Variants in SH3PXD2A observed in about 807,000 individuals in gnomAD.
The protein encoded by SH3PXD2A is SH3 and PX domain-containing protein 2A.
Under a neutral mutation model 115.2 loss-of-function variants are expected in SH3PXD2A, and 32 were observed. The observed-to-expected ratio is 0.28, with a 90% CI of 0.21 to 0.37. The LOEUF (loss-of-function observed/expected upper bound fraction) is 0.37, where lower values mean the gene tolerates loss of function less well. Among genes scored for constraint, SH3PXD2A ranks in the 10% least tolerant of loss-of-function variants. The pLI is 1.00. For synonymous variants in SH3PXD2A, 610 were observed against 629.1 expected (o/e 0.97, Z 0.45); for missense variants, 1,328 against 1,498.7 (o/e 0.89, Z 1.88).
chr10:103,846,346 C>CA (rs1180831229), intron 1 of SH3PXD2A, among the ~76,000 whole-genome samples: 2 of 152,220 alleles, frequency 1.3e-5, no homozygotes, highest in East Asian at 3.9e-4. Flanking sequence ...TTCCTGTTCA[C>CA]AAAAAAATGA....
In SH3PXD2A at chr10:103,603,513, GCT is replaced by G; in HGVS notation, c.1703_1704del (p.Glu568AlafsTer2). On this transcript the variant is annotated frameshift_variant, in exon 15 of 15. Coordinates refer to ENST00000369774, the MANE Select transcript of SH3PXD2A (RefSeq NM_001394015.1). LOFTEE classifies it high-confidence loss of function. ...TCCACGGGCTCCTCGCTCAGCTCAG[GCT>G]CTGAGTCAAAGCCGAATGCAGGGAT... ...YDIPAFGFDS[E>X]PELSEEPVED... 6.2e-7 allele frequency: 1 copy of G among 1,612,540 alleles called. No individual in the cohort carries two copies. Among genetic ancestry groups the G allele is most frequent in the Non-Finnish European group, 8.5e-7 (1 of 1,179,204 alleles).
At chr10:103,831,101 T>C (rs953634283) in intron 1 of SH3PXD2A, among the ~76,000 whole-genome samples, 1 of 152,234 alleles carries the variant, frequency 6.6e-6, no homozygotes, top group South Asian at 2.1e-4. Context: ...TTACACACTA[T>C]TGTTTTGTGA....
intron 3 of SH3PXD2A, among the ~76,000 whole-genome samples, chr10:103,742,325 CTG>C (rs2038452989): frequency 6.6e-6 from 1 of 152,204 alleles, no homozygotes; most frequent in South Asian, 2.1e-4. Context: ...ACTCCGATCT[CTG>C]TCTCAGTCTT....
At chr10:103,718,279 A>C (rs530366115) in intron 5 of SH3PXD2A, among the ~76,000 whole-genome samples, 4 of 152,188 alleles carry the variant, frequency 2.6e-5, no homozygotes, top group African/African-American at 9.6e-5. Context: ...GACCTCCTGA[A>C]GTGCTGGGAT....
chr10:103,844,038 A>G (rs1290981178), intron 1 of SH3PXD2A, among the ~76,000 whole-genome samples: 1 of 152,230 alleles, frequency 6.6e-6, no homozygotes, highest in Non-Finnish European at 1.5e-5. Context: ...TGCTTGCTTC[A>G]AGTTGCCAAT....
At chr10:103,740,260 A>G (rs2038429787) in intron 3 of SH3PXD2A, among the ~76,000 whole-genome samples, 4 of 152,180 alleles carry the variant, frequency 2.6e-5, no homozygotes, top group Admixed American at 2.0e-4. Flanking sequence ...TCACACAGCT[A>G]TCTAGTGGCT....
intron 9 of SH3PXD2A, among the ~76,000 whole-genome samples, chr10:103,626,625 A>AG (rs2036699198): frequency 6.6e-6 from 1 of 150,862 alleles, no homozygotes. Flanking sequence ...AAAAAGAAAA[A>AG]GAAAAAAAAA....
Position 103,601,633 on chromosome 10 carries a change from A to C in SH3PXD2A, c.*183T>G. 1.8e-6 allele frequency: 1 copy of C among 559,532 alleles called. No individual in the cohort carries two copies. Among genetic ancestry groups the C allele is most frequent in the Non-Finnish European group, 3.2e-6 (1 of 312,532 alleles). The allele number at this position is 559,532 out of a possible 1,614,324, so 34.7% of individuals were successfully genotyped here. A position where few individuals can be genotyped will look rare whatever the true frequency, so the allele number is the denominator to read the frequency against. ...CTCAGTGTGGGCACCCCCATCCCCT[A>C]CCTTCCAGCTGTGGGATGGCTTGGA... On this transcript the variant is annotated 3_prime_UTR_variant, in exon 15 of 15. Transcript: ENST00000369774.
chr10:103,818,377 C>CCAT, intron 1 of SH3PXD2A, among the ~76,000 whole-genome samples: 1 of 152,276 alleles, frequency 6.6e-6, no homozygotes, highest in African/African-American at 2.4e-5. Flanking sequence ...ATCACATTGC[C>CCAT]CATCACCAAC....
intron 4 of SH3PXD2A, among the ~76,000 whole-genome samples, chr10:103,735,366 A>T (rs1165745533): frequency 6.6e-6 from 1 of 152,250 alleles, no homozygotes; most frequent in Non-Finnish European, 1.5e-5. Context: ...AATTCAAAGA[A>T]ATAGTTCTTC....
chr10:103,613,927 A>G (rs2036469001), intron 11 of SH3PXD2A, among the ~76,000 whole-genome samples: 1 of 152,122 alleles, frequency 6.6e-6, no homozygotes, highest in Admixed American at 6.5e-5. Context: ...AAACCAGGCT[A>G]AATTTACTGT....
intron 8 of SH3PXD2A, among the ~76,000 whole-genome samples, chr10:103,646,219 T>C (rs1465246380): frequency 6.6e-6 from 1 of 152,188 alleles, no homozygotes; most frequent in African/African-American, 2.4e-5. Flanking sequence ...AGGTTTGTGG[T>C]GACCTAGGAT....
chr10:103,804,656 G>T (rs1468095222), intron 1 of SH3PXD2A, among the ~76,000 whole-genome samples: 1 of 151,996 alleles, frequency 6.6e-6, no homozygotes, highest in South Asian at 2.1e-4. Context: ...AGGTGTGGGT[G>T]GTCTGAGAAG....
rs1164443262 is a variant in SH3PXD2A at position 103,601,425 on chromosome 10, A to G, written c.*391T>C. On this transcript the variant is annotated 3_prime_UTR_variant, in exon 15 of 15. Coordinates refer to ENST00000369774, the MANE Select transcript of SH3PXD2A (RefSeq NM_001394015.1). ...AAACTGGGCCAAGCAGGGGCAGGAC[A>G]CTGGAGGCCCCCATGACCTTGTCTT... 1.2e-5 allele frequency: 2 copies of G among 170,232 alleles called. No individual in the cohort carries two copies. Among genetic ancestry groups the G allele is most frequent in the Non-Finnish European group, 2.5e-5 (2 of 78,686 alleles). 10.5% of individuals were successfully genotyped at this position (170,232 alleles called of 1,614,324 possible). A position where few individuals can be genotyped will look rare whatever the true frequency, so the allele number is the denominator to read the frequency against.
chr10:103,716,241 T>C (rs554429681), intron 5 of SH3PXD2A, among the ~76,000 whole-genome samples: 58 of 152,220 alleles, frequency 3.8e-4, no homozygotes, highest in Non-Finnish European at 6.3e-4. Context: ...CAGGATGGCC[T>C]CCCCTTTTGG....
At chr10:103,660,462 C>T (rs926842819) in intron 8 of SH3PXD2A, among the ~76,000 whole-genome samples, 1 of 152,192 alleles carries the variant, frequency 6.6e-6, no homozygotes, top group Non-Finnish European at 1.5e-5. Context: ...GCCTCCAGCT[C>T]GGCAGGGGGC....
At chr10:103,661,196 T>G in intron 7 of SH3PXD2A, 82 bp from the exon 8 acceptor site, 1 of 1,506,222 alleles carries the variant, frequency 6.6e-7, no homozygotes, top group South Asian at 1.3e-5. Context: ...ATCGGCCTCC[T>G]CGGGGGTGGC....
intron 4 of SH3PXD2A, among the ~76,000 whole-genome samples, chr10:103,727,796 G>A (rs1423561618): frequency 6.6e-6 from 1 of 152,218 alleles, no homozygotes; most frequent in African/African-American, 2.4e-5. Context: ...GCCCTGAGGG[G>A]AGCCGCGTGG....
At chr10:103,610,881 T>C (rs755035889) in intron 13 of SH3PXD2A, among the ~76,000 whole-genome samples, 1 of 151,884 alleles carries the variant, frequency 6.6e-6, no homozygotes, top group Non-Finnish European at 1.5e-5. Flanking sequence ...AGAAGTGGAA[T>C]CCGAATCCAT....
Sources: gnomAD v4.1 joint callset for allele counts (sites outside exome capture counted in the v4.1 genomes callset) on GRCh38, gnomAD v4.1.1 for gene constraint, MANE v1.5 for transcripts, NCBI Gene and HGNC (gene_info 2026-07-23, HGNC 2026-07-21) for gene names.